The following CACNA2D3 variants were observed in gnomAD, a reference collection of about 807,000 sequenced individuals.
The protein encoded by CACNA2D3 is voltage-dependent calcium channel subunit alpha-2/delta-3.
Under a neutral mutation model 160.6 loss-of-function variants are expected in CACNA2D3, and 60 were observed. The ratio of observed to expected loss-of-function variants is 0.37; its 90% CI spans 0.30 to 0.46. CACNA2D3 has a LOEUF of 0.46. Among genes scored for constraint, CACNA2D3 ranks in the 20% least tolerant of loss-of-function variants. CACNA2D3 has a pLI of 1.00. For synonymous variants in CACNA2D3, 558 were observed against 492.9 expected, an observed-to-expected ratio of 1.13 and a Z score of -1.75; for missense variants, 1,205 against 1,365.0, an observed-to-expected ratio of 0.88 and a Z score of 1.85.
At chr3:54,168,429 C>G (rs958998175) in intron 2 of CACNA2D3, among the ~76,000 whole-genome samples, 1 of 152,142 alleles carries the variant, frequency 6.6e-6, no homozygotes, top group Admixed American at 6.5e-5. Context: ...AACAGCCGCG[C>G]AGTGATGTTG....
chr3:54,969,845 G>A lies in CACNA2D3; in HGVS notation c.2556+1G>A. ...ATGCTCCATCAGCTGTGATGATGAG[G>A]TAAGACGGCCTCCTGGTCCTGTTTC... On this transcript the variant is annotated splice_donor_variant, in intron 29 of 37. Coordinates refer to ENST00000474759, the MANE Select transcript of CACNA2D3 (RefSeq NM_018398.3). LOFTEE classifies it high-confidence loss of function. The A allele has an allele frequency of 6.2e-7, 1 of 1,613,208 alleles. No individual in the cohort carries two copies. The highest frequency in any genetic ancestry group is 8.5e-7 in the Non-Finnish European group (1 of 1,179,428).
chr3:54,995,519 A>C (rs1451019595), intron 31 of CACNA2D3, among the ~76,000 whole-genome samples: 4 of 152,184 alleles, frequency 2.6e-5, no homozygotes, highest in Non-Finnish European at 4.4e-5. Flanking sequence ...CTCATGATTC[A>C]ATGTAGCTGC....
intron 2 of CACNA2D3, among the ~76,000 whole-genome samples, chr3:54,295,576 TG>T (rs1313100837): frequency 6.6e-6 from 1 of 152,184 alleles, no homozygotes; most frequent in Non-Finnish European, 1.5e-5. Context: ...CATAGGTAGA[TG>T]AGAGACAAAC....
At chr3:54,451,508 ATAATCCCAT>A (rs1700308167) in intron 4 of CACNA2D3, among the ~76,000 whole-genome samples, 2 of 152,230 alleles carry the variant, frequency 1.3e-5, no homozygotes, top group Non-Finnish European at 2.9e-5. Flanking sequence ...TTTTTCCTGG[ATAATCCCAT>A]CTCTATTCCG....
chr3:55,061,157 T>C (rs1314135389), intron 35 of CACNA2D3, among the ~76,000 whole-genome samples: 1 of 152,258 alleles, frequency 6.6e-6, no homozygotes, highest in African/African-American at 2.4e-5. Context: ...GCTTTTTGTG[T>C]GCTTTCTCCA....
intron 34 of CACNA2D3, among the ~76,000 whole-genome samples, chr3:55,014,417 A>G (rs1056025083): frequency 4.4e-4 from 67 of 152,162 alleles, no homozygotes; most frequent in African/African-American, 1.5e-3. Flanking sequence ...GTGAGTTCTG[A>G]ATGCCTAAGA....
chr3:54,153,719 A>T (rs901462981), intron 2 of CACNA2D3, among the ~76,000 whole-genome samples: 2 of 152,188 alleles, frequency 1.3e-5, no homozygotes, highest in Non-Finnish European at 2.9e-5. Context: ...TATGTGTAGC[A>T]ATGGTTTTTC....
At chr3:54,151,154 G>A (rs538109661) in intron 2 of CACNA2D3, among the ~76,000 whole-genome samples, 96 of 151,800 alleles carry the variant, frequency 6.3e-4, no homozygotes, top group African/African-American at 2.1e-3. Flanking sequence ...TGAATGAATA[G>A]ATGTAGGGAT....
chr3:54,616,776 T>A (rs1425899045), intron 9 of CACNA2D3, among the ~76,000 whole-genome samples: 2 of 152,214 alleles, frequency 1.3e-5, no homozygotes, highest in African/African-American at 4.8e-5. Context: ...ATTTATTAGC[T>A]GTGAGACCTA....
chr3:54,283,693 C>T (rs140889020), intron 2 of CACNA2D3, among the ~76,000 whole-genome samples: 13 of 152,284 alleles, frequency 8.5e-5, no homozygotes, highest in African/African-American at 3.1e-4. Flanking sequence ...ATCACATTCC[C>T]TTTGTCCGCT....
intron 4 of CACNA2D3, among the ~76,000 whole-genome samples, chr3:54,451,027 G>A (rs1398769074): frequency 1.3e-5 from 2 of 151,976 alleles, no homozygotes; most frequent in South Asian, 2.1e-4. Context: ...AAGTAGGTTC[G>A]CAACCCAGCA....
chr3:54,803,168 A>G lies in CACNA2D3; in HGVS notation c.1381-13685A>G, dbSNP rs1019068726. ...AGCAGAGCGCCTCTCCTCCTCCAAA[A>G]GAACGCAGTTCCTCACCAGCAACGG... On this transcript the variant is annotated intron_variant, in intron 13 of 37. Transcript: ENST00000474759. 1.2e-4 allele frequency among the ~76,000 whole-genome samples: 18 copies of G among 152,356 alleles called. No homozygotes were observed. In the South Asian group the frequency reaches 2.3e-3, roughly 19 times the overall value.
chr3:54,193,727 G>A (rs922073297), intron 2 of CACNA2D3, among the ~76,000 whole-genome samples: 1 of 152,190 alleles, frequency 6.6e-6, no homozygotes, highest in Admixed American at 6.5e-5. Context: ...TTTGTTGCAG[G>A]AAGAATATTC....
At chr3:54,416,946 A>G (rs1699763671) in intron 4 of CACNA2D3, among the ~76,000 whole-genome samples, 2 of 152,296 alleles carry the variant, frequency 1.3e-5, no homozygotes, top group South Asian at 4.1e-4. Flanking sequence ...TCAAGTTGCC[A>G]CTGTCAGGCA....
At chr3:55,051,143 G>T (rs1055984152) in intron 35 of CACNA2D3, among the ~76,000 whole-genome samples, 15 of 152,258 alleles carry the variant, frequency 9.9e-5, no homozygotes, top group East Asian at 1.9e-4. Context: ...TCCATTGCTG[G>T]TGAGGAACTG....
At chr3:54,264,830 A>G (rs1234139444) in intron 2 of CACNA2D3, among the ~76,000 whole-genome samples, 1 of 152,152 alleles carries the variant, frequency 6.6e-6, no homozygotes, top group African/African-American at 2.4e-5. Flanking sequence ...ATTTTAAGAG[A>G]TGCATTTGGT....
intron 13 of CACNA2D3, among the ~76,000 whole-genome samples, chr3:54,810,496 G>A (rs560133905): frequency 2.0e-5 from 3 of 152,268 alleles, no homozygotes; most frequent in African/African-American, 7.2e-5. Context: ...GATTATACAT[G>A]CAAGCATCCA....
chr3:54,827,241 A>G (rs1266900624), intron 14 of CACNA2D3, among the ~76,000 whole-genome samples: 1 of 152,108 alleles, frequency 6.6e-6, no homozygotes, highest in African/African-American at 2.4e-5. Context: ...CACTTGTGAA[A>G]TGTGCGTAGG....
intron 4 of CACNA2D3, among the ~76,000 whole-genome samples, chr3:54,423,148 G>C (rs1161137137): frequency 1.3e-5 from 2 of 152,166 alleles, no homozygotes; most frequent in African/African-American, 2.4e-5. Context: ...CGTCTATCAT[G>C]AGAGAGGAAA....
Sources: gnomAD v4.1 joint callset for allele counts (sites outside exome capture counted in the v4.1 genomes callset) on GRCh38, gnomAD v4.1.1 for gene constraint, MANE v1.5 for transcripts, NCBI Gene and HGNC (gene_info 2026-07-23, HGNC 2026-07-21) for gene names.